CALY: variants seen among roughly 807,000 people sequenced by gnomAD.
CALY encodes calcyon neuron specific vesicular protein, also known as neuron-specific vesicular protein calcyon.
CALY carries 15 observed loss-of-function variants against 20.2 expected under a neutral mutation model. The ratio of observed to expected loss-of-function variants is 0.74; its 90% confidence interval spans 0.50 to 1.14. The LOEUF is 1.14. Among genes scored for constraint, CALY ranks in the 50% most tolerant of loss-of-function variants. The pLI, the probability that CALY is intolerant of heterozygous loss-of-function variation, is 0.00. For synonymous variants in CALY, 129 were observed against 131.8 expected, an observed-to-expected ratio of 0.98 and a Z score of 0.15; for missense variants, 270 against 304.4, an observed-to-expected ratio of 0.89 and a Z score of 0.84.
intron 1 of CALY, among the ~76,000 whole-genome samples, chr10:133,332,844 T>A (rs181539797): frequency 6.6e-6 from 1 of 152,090 alleles, no homozygotes; most frequent in Non-Finnish European, 1.5e-5. Flanking sequence ...ATTGGAACGA[T>A]GCAGCTGAAA....
chr10:133,330,350 C>CA (rs59986083), intron 1 of CALY, among the ~76,000 whole-genome samples: 777 of 36,750 alleles, frequency 0.021, 16 homozygotes, highest in Middle Eastern at 0.042. Flanking sequence ...GAAACTCTGC[C>CA]AAAAAAAAAA....
At chr10:133,334,708 G>A (rs1224213860) in intron 1 of CALY, among the ~76,000 whole-genome samples, 1 of 151,948 alleles carries the variant, frequency 6.6e-6, no homozygotes, top group Non-Finnish European at 1.5e-5. Flanking sequence ...GCGAGAGTGC[G>A]GCCGGTGAAC....
At chr10:133,326,190 G>A (rs1848206351) in intron 4 of CALY, 70 bp from the exon 5 acceptor site, 1 of 1,560,198 alleles carries the variant, frequency 6.4e-7, no homozygotes, top group South Asian at 1.2e-5. Context: ...AGGCCCTCCC[G>A]CTTCTGCGGT....
intron 5 of CALY, 74 bp downstream of exon 5, chr10:133,325,725 G>T: frequency 1.5e-6 from 1 of 651,148 alleles, no homozygotes; most frequent in Non-Finnish European, 2.1e-6. Flanking sequence ...GGGGGTCTTT[G>T]GCTCAGAAGC....
At chr10:133,328,542 C>G (rs977410452) in intron 2 of CALY, among the ~76,000 whole-genome samples, 10 of 152,352 alleles carry the variant, frequency 6.6e-5, no homozygotes, top group Middle Eastern at 6.8e-3. Context: ...CAGGGCCATG[C>G]CCCGAGGGGA....
At chr10:133,333,975 AG>A (rs1342067687) in intron 1 of CALY, among the ~76,000 whole-genome samples, 2 of 27,730 alleles carry the variant, frequency 7.2e-5, no homozygotes, top group Non-Finnish European at 6.2e-5. Context: ...GGAGGCTCTG[AG>A]GGGGGAAGGA....
chr10:133,330,613 G>A (rs1200490441), intron 1 of CALY, among the ~76,000 whole-genome samples: 3 of 116,738 alleles, frequency 2.6e-5, no homozygotes, highest in African/African-American at 9.7e-5. Context: ...AGCCGAGATC[G>A]CGCCACCGCA....
intron 4 of CALY, 85 bp from the exon 5 acceptor site, chr10:133,326,205 G>T: frequency 1.3e-6 from 2 of 1,553,902 alleles, no homozygotes; most frequent in Non-Finnish European, 1.7e-6. Context: ...TGCGGTTGGG[G>T]ACACTGCGGA....
chr10:133,327,303 C>T (rs534007541), intron 3 of CALY: 9 of 499,708 alleles, frequency 1.8e-5, no homozygotes, highest in East Asian at 1.0e-4. Flanking sequence ...TGTGGGCTCC[C>T]AGGGGATGGG....
rs1425601668 is a variant in CALY at position 133,324,432 on chromosome 10, G to T, written c.*1163C>A. ...CTAGCCAGCAAGCCTGGGAGCCAAT[G>T]GTGGGGGGCTTCCATCCACCAATGG... On this transcript the variant is annotated 3_prime_UTR_variant, in exon 6 of 6. Coordinates refer to ENST00000252939, the MANE Select transcript of CALY (RefSeq NM_015722.4). 2 of 454,354 alleles carry T rather than the reference G, an allele frequency of 4.4e-6. No homozygotes were observed. Among genetic ancestry groups the T allele is most frequent in the African/African-American group, 4.0e-5 (2 of 49,812 alleles). The allele number at this position is 454,354 out of a possible 1,614,324, so 28.1% of individuals were successfully genotyped here.
In CALY at chr10:133,327,890, G is replaced by T; in HGVS notation, c.246+15C>A. 2 of 1,546,086 alleles carry T rather than the reference G, an allele frequency of 1.3e-6. No homozygotes were observed. Among genetic ancestry groups the T allele is most frequent in the Non-Finnish European group, 1.8e-6 (2 of 1,120,138 alleles). ...TGTCCTGAGTCCCCACAGTGGGTGG[G>T]GTGGGTGTGGTTACCCTGCGCCCTT... On this transcript the variant is annotated intron_variant, in intron 3 of 5. Transcript: ENST00000252939.
At chr10:133,329,662 G>A (rs1564786906) in intron 1 of CALY, among the ~76,000 whole-genome samples, 2 of 152,014 alleles carry the variant, frequency 1.3e-5, no homozygotes, top group Admixed American at 1.3e-4. Flanking sequence ...ATGAACCACC[G>A]CGCCTGACTC....
Position 133,325,517 on chromosome 10 carries a change from CG to C in CALY, c.*77del, listed in dbSNP as rs1848187107. 1 of 228,148 alleles carries C rather than the reference CG, an allele frequency of 4.4e-6. No homozygotes were observed. The highest frequency in any genetic ancestry group is 2.3e-5 in the African/African-American group (1 of 43,678). 14.1% of individuals were successfully genotyped at this position (228,148 alleles called of 1,614,324 possible). Reference sequence around the variant, plus strand: ...GCGAGGGCGCCTGGGGACACGAACACGGCGGAGAGCATCGGGAGACGCGCTG... The same window carrying C: ...GCGAGGGCGCCTGGGGACACGAACACGCGGAGAGCATCGGGAGACGCGCTG... On this transcript the variant is annotated 3_prime_UTR_variant, in exon 6 of 6. Coordinates refer to ENST00000252939, the MANE Select transcript of CALY (RefSeq NM_015722.4).
Position 133,326,134 on chromosome 10 carries a change from C to G in CALY, c.361-14G>C, listed in dbSNP as rs745848908. Reference sequence around the variant, plus strand: ...GCAGATCTTGTGCTGCGGGAGGGGCCGGGTCAGGGTCGGTGGGGCTGAGCC... The same window carrying G: ...GCAGATCTTGTGCTGCGGGAGGGGCGGGGTCAGGGTCGGTGGGGCTGAGCC... On this transcript the variant is annotated splice_polypyrimidine_tract_variant and intron_variant, in intron 4 of 5. Transcript: ENST00000252939. 1 of 1,591,306 alleles carries G rather than the reference C, an allele frequency of 6.3e-7. No individual in the cohort carries two copies. The highest frequency in any genetic ancestry group is 1.1e-5 in the South Asian group (1 of 88,922).
Position 133,327,645 on chromosome 10 carries a change from C to A in CALY, c.246+260G>T, listed in dbSNP as rs1464180080. 1.6e-5 allele frequency: 10 copies of A among 610,740 alleles called. No homozygotes were observed. In the Admixed American group the frequency reaches 2.0e-4, roughly 12 times the overall value. 37.8% of individuals were successfully genotyped at this position (610,740 alleles called of 1,614,324 possible). A position where few individuals can be genotyped will look rare whatever the true frequency, so the allele number is the denominator to read the frequency against. ...ACTGGGCAAACAAGCAAGCAGCACT[C>A]GCGGGCACTTCCCAGAAAGAAAAAC... On this transcript the variant is annotated intron_variant, in intron 3 of 5. Coordinates refer to ENST00000252939, the MANE Select transcript of CALY (RefSeq NM_015722.4).
intron 1 of CALY, among the ~76,000 whole-genome samples, chr10:133,330,725 A>G (rs886767673): frequency 3.4e-5 from 5 of 148,810 alleles, no homozygotes; most frequent in Non-Finnish European, 5.9e-5. Context: ...CGCAGACAGC[A>G]TCACCACAGC....
chr10:133,335,016 CGT>C (rs1259504887), intron 1 of CALY, among the ~76,000 whole-genome samples: 1 of 152,132 alleles, frequency 6.6e-6, no homozygotes, highest in East Asian at 1.9e-4. Flanking sequence ...AGCCAGCGTC[CGT>C]GTGTGTGCAG....
chr10:133,325,834 G>A lies in CALY; in HGVS notation c.647C>T (p.Ala216Val), dbSNP rs975284074. The A allele has an allele frequency of 6.5e-6, 8 of 1,222,016 alleles. No individual in the cohort carries two copies. The African/African-American group carries it at 9.5e-5, about 14-fold the overall frequency. 75.7% of individuals were successfully genotyped at this position (1,222,016 alleles called of 1,614,324 possible). A position where few individuals can be genotyped will look rare whatever the true frequency, so the allele number is the denominator to read the frequency against. Reference protein sequence around the residue: ...KAAGSAAPPPAQ With the variant: ...KAAGSAAPPPVQ Reference sequence around the variant, plus strand: ...GCTGCGGGGCTGGAGACGTCACTGCGCGGGCGGGGGCGCCGCGCTCCCGGC... The same window carrying A: ...GCTGCGGGGCTGGAGACGTCACTGCACGGGCGGGGGCGCCGCGCTCCCGGC... Residue 216 changes from alanine to valine, a missense_variant, in exon 5 of 6, where the codon GCG becomes GTG. Physicochemically the swap from Ala to Val is moderately conservative, Grantham distance 64. Transcript: ENST00000252939.
At chr10:133,330,715 C>T (rs1423207464) in intron 1 of CALY, among the ~76,000 whole-genome samples, 3 of 146,512 alleles carry the variant, frequency 2.0e-5, no homozygotes, top group East Asian at 3.9e-4. Context: ...GAACTCCAGG[C>T]GCAGACAGCA....
Sources: allele counts gnomAD v4.1 joint callset (sites outside exome capture counted in the v4.1 genomes callset), GRCh38; gene constraint gnomAD v4.1.1; transcripts MANE v1.5; gene names NCBI Gene and HGNC (gene_info 2026-07-23, HGNC 2026-07-21).